Variants in KIF16B observed in about 807,000 individuals in gnomAD.
KIF16B encodes kinesin family member 16B.
KIF16B carries 98 observed loss-of-function variants against 156.3 expected under a neutral mutation model. The ratio of observed to expected loss-of-function variants is 0.63; its 90% CI spans 0.53 to 0.74. KIF16B has a LOEUF of 0.74. Among genes scored for constraint, KIF16B ranks in the 30% least tolerant of loss-of-function variants. The probability of loss-of-function intolerance (pLI) is 0.00; values close to 1 mark genes in which losing one functional copy is unlikely to be tolerated. For synonymous variants in KIF16B, 564 were observed against 583.7 expected (o/e 0.97, Z 0.49); for missense variants, 1,421 against 1,606.5 (o/e 0.88, Z 1.97).
At position 16,335,964 on chromosome 20, in the gene KIF16B, G is replaced by A. The variant is rs757912986; in HGVS notation, c.3673C>T (p.Arg1225Ter). 20 of 1,590,726 alleles carry A rather than the reference G, an allele frequency of 1.3e-5. No individual in the cohort carries two copies. The highest frequency in any genetic ancestry group is 5.5e-5 in the South Asian group (5 of 90,428). Residue 1225 changes from arginine to a stop codon, truncating the protein, a stop_gained, in exon 24 of 26, where the codon CGA (arginine) becomes TGA (stop). Transcript: ENST00000354981. LOFTEE classifies it high-confidence loss of function. ...WTVFRRYSRF[R>*]EMHKTLKLKY... Reference sequence around the variant, plus strand: ...AACTTCAATGTTTTATGCATTTCTCGAAAACGACTGTAACGCCTGAATACA... The same window carrying A: ...AACTTCAATGTTTTATGCATTTCTCAAAAACGACTGTAACGCCTGAATACA...
At chr20:16,536,611 A>C (rs1329750878) in intron 1 of KIF16B, among the ~76,000 whole-genome samples, 1 of 152,220 alleles carries the variant, frequency 6.6e-6, no homozygotes, top group Non-Finnish European at 1.5e-5. Flanking sequence ...TGTCAAAAAA[A>C]TGTTTAGGAG....
chr20:16,528,799 C>G (rs1306681963), intron 1 of KIF16B, among the ~76,000 whole-genome samples: 1 of 151,996 alleles, frequency 6.6e-6, no homozygotes, highest in African/African-American at 2.4e-5. Context: ...GACCTTAGCC[C>G]CCTACCCAAG....
intron 12 of KIF16B, among the ~76,000 whole-genome samples, chr20:16,473,765 T>C (rs75762505): frequency 0.012 from 1,870 of 152,288 alleles, 49 homozygotes; most frequent in African/African-American, 0.043. Flanking sequence ...ATTAATTCAA[T>C]GTGAAATGAG....
rs145493520 is a variant in KIF16B at position 16,473,671 on chromosome 20, A to G, written c.1302+20620T>C. Among the ~76,000 whole-genome samples the G allele has an allele frequency of 4.5e-3, 683 of 152,262 alleles. 1 individual carries two copies. Among genetic ancestry groups the G allele is most frequent in the Non-Finnish European group, 7.2e-3 (487 of 68,018 alleles). On this transcript the variant is annotated intron_variant, in intron 12 of 25. Transcript: ENST00000354981. ...TAAGTAAGGAATGCAGTGTGTGCAG[A>G]CCTCGGATTCTCCCAACTATGATAT...
chr20:16,536,355 G>A (rs2069962645), intron 1 of KIF16B, among the ~76,000 whole-genome samples: 1 of 152,010 alleles, frequency 6.6e-6, no homozygotes, highest in Non-Finnish European at 1.5e-5. Flanking sequence ...CGGGGGTGGG[G>A]GGAGTGAAGA....
intron 1 of KIF16B, among the ~76,000 whole-genome samples, chr20:16,540,106 G>C (rs374939873): frequency 2.0e-5 from 3 of 152,298 alleles, no homozygotes; most frequent in African/African-American, 7.2e-5. Flanking sequence ...TACTAATATG[G>C]AAAGAAGTCC....
At chr20:16,367,533 G>A in intron 22 of KIF16B, 2 of 1,612,816 alleles carry the variant, frequency 1.2e-6, no homozygotes, top group Non-Finnish European at 1.7e-6. Context: ...CTAGCGACTG[G>A]CACTGGTCAT....
intron 23 of KIF16B, among the ~76,000 whole-genome samples, chr20:16,337,250 A>G (rs1302572613): frequency 6.6e-6 from 1 of 152,170 alleles, no homozygotes; most frequent in East Asian, 1.9e-4. Flanking sequence ...CTCAAGCACA[A>G]TAATTCAGCC....
intron 12 of KIF16B, among the ~76,000 whole-genome samples, chr20:16,479,772 A>G (rs1034625804): frequency 6.6e-6 from 1 of 152,224 alleles, no homozygotes; most frequent in Non-Finnish European, 1.5e-5. Flanking sequence ...CATACCATAT[A>G]GCCTAGGTGT....
intron 1 of KIF16B, among the ~76,000 whole-genome samples, chr20:16,550,528 CTTTTTTTT>C (rs745923425): frequency 9.7e-5 from 10 of 103,496 alleles, no homozygotes; most frequent in Non-Finnish European, 1.7e-4. Context: ...ATGAAACATT[CTTTTTTTT>C]TTTTTTTTTT....
intron 1 of KIF16B, among the ~76,000 whole-genome samples, chr20:16,544,513 A>G (rs527616875): frequency 6.8e-6 from 1 of 146,532 alleles, no homozygotes; most frequent in Non-Finnish European, 1.5e-5. Flanking sequence ...AGGCTGAGAC[A>G]GGAGAGTCGC....
intron 24 of KIF16B, among the ~76,000 whole-genome samples, chr20:16,334,100 A>G (rs1196905585): frequency 6.6e-6 from 1 of 152,248 alleles, no homozygotes; most frequent in East Asian, 1.9e-4. Context: ...AATGGGTTGA[A>G]GTAATCAAAT....
chr20:16,281,852 G>A (rs1241913248), intron 25 of KIF16B, among the ~76,000 whole-genome samples: 2 of 151,892 alleles, frequency 1.3e-5, no homozygotes, highest in Non-Finnish European at 2.9e-5. Flanking sequence ...TGTTCCCATG[G>A]GTGCTTTGCT....
chr20:16,294,971 A>C (rs2063362781), intron 25 of KIF16B, among the ~76,000 whole-genome samples: 1 of 152,038 alleles, frequency 6.6e-6, no homozygotes, highest in African/African-American at 2.4e-5. Flanking sequence ...TTAGCGTCCA[A>C]TTTTCTGATG....
rs6111059 is a variant in KIF16B at position 16,335,981 on chromosome 20, C to T, written c.3656G>A (p.Arg1219Lys). 6.2e-7 allele frequency: 1 copy of T among 1,609,210 alleles called. No individual in the cohort carries two copies. Among genetic ancestry groups the T allele is most frequent in the East Asian group, 2.2e-5 (1 of 44,762 alleles). Residue 1219 changes from arginine to lysine, a missense_variant, in exon 24 of 26, where the codon AGG (arginine) becomes AAG (lysine). Arg to Lys is a conservative substitution (Grantham distance 26). Transcript: ENST00000354981. ...CATTTCTCGAAAACGACTGTAACGC[C>T]TGAATACAGTCCATGTCTCATCTAG... ...TVLDETWTVF[R>K]RYSRFREMHK...
intron 1 of KIF16B, among the ~76,000 whole-genome samples, chr20:16,549,010 G>GT (rs1600676837): frequency 1.0e-5 from 1 of 99,272 alleles, no homozygotes; most frequent in Admixed American, 1.2e-4. Flanking sequence ...ACTCATTTTC[G>GT]GTTTTTTTTT....
chr20:16,426,335 A>G (rs368420885), intron 15 of KIF16B, among the ~76,000 whole-genome samples: 26 of 152,316 alleles, frequency 1.7e-4, no homozygotes, highest in African/African-American at 6.0e-4. Context: ...ATTCTACAAC[A>G]TATCTGACCT....
At chr20:16,524,532 G>T (rs1015962021) in intron 3 of KIF16B, among the ~76,000 whole-genome samples, 3 of 152,180 alleles carry the variant, frequency 2.0e-5, no homozygotes, top group African/African-American at 7.2e-5. Flanking sequence ...AACAACAGAT[G>T]ATAGAGAGGA....
rs895916224 is a variant in KIF16B at position 16,433,825 on chromosome 20, C to G, written c.1303-3843G>C. On this transcript the variant is annotated intron_variant, in intron 12 of 25. Coordinates refer to ENST00000354981, the MANE Select transcript of KIF16B (RefSeq NM_024704.5). ...ACGAGGGTTTAAATCATTGCTCAAG[C>G]GAAAAAGTAATTTCAGACAAAAATA... 2.0e-5 allele frequency among the ~76,000 whole-genome samples: 3 copies of G among 151,876 alleles called. No homozygotes were observed. In the South Asian group the frequency reaches 6.2e-4, roughly 32 times the overall value.
Sources: gnomAD v4.1 joint callset for allele counts (sites outside exome capture counted in the v4.1 genomes callset) on GRCh38, gnomAD v4.1.1 for gene constraint, MANE v1.5 for transcripts, NCBI Gene and HGNC (gene_info 2026-07-23, HGNC 2026-07-21) for gene names.